The following VPS13A variants were observed in gnomAD, a reference collection of about 807,000 sequenced individuals.
The protein encoded by VPS13A is vacuolar protein sorting 13 homolog A.
A neutral mutation model predicts 390.9 loss-of-function variants in VPS13A; 264 were observed. That is an observed-to-expected ratio of 0.68 (90% CI 0.61 to 0.75). The LOEUF (loss-of-function observed/expected upper bound fraction) is 0.75, where lower values mean the gene tolerates loss of function less well. Among genes scored for constraint, VPS13A ranks in the 30% least tolerant of loss-of-function variants. The pLI is 0.00. For synonymous variants in VPS13A, 1,231 were observed against 1,227.1 expected (o/e 1.00, Z -0.07); for missense variants, 3,409 against 3,733.9 (o/e 0.91, Z 2.27).
chr9:77,410,488 GAC>G (rs1834866873), intron 71 of VPS13A, among the ~76,000 whole-genome samples: 1 of 152,022 alleles, frequency 6.6e-6, no homozygotes, highest in Admixed American at 6.5e-5. Context: ...CCAATTAAAA[GAC>G]ACAGACTGGC....
At chr9:77,186,424 A>T (rs1824338046) in intron 1 of VPS13A, among the ~76,000 whole-genome samples, 1 of 151,018 alleles carries the variant, frequency 6.6e-6, no homozygotes, top group Admixed American at 6.6e-5. Flanking sequence ...TTTCTGAAGA[A>T]CTCCTTTATT....
chr9:77,275,766 A>T (rs1316253811), intron 25 of VPS13A, 114 bp downstream of exon 25: 1 of 1,252,604 alleles, frequency 8.0e-7, no homozygotes, highest in African/African-American at 1.5e-5. Context: ...TAATTAAAGT[A>T]ATTCCAGACT....
chr9:77,401,329 T>TTG (rs4012461), intron 68 of VPS13A, among the ~76,000 whole-genome samples: 17,031 of 140,296 alleles, frequency 0.12, 1,097 homozygotes, highest in Non-Finnish European at 0.16. Context: ...TCACATGAAG[T>TTG]TGTGTGTGTG....
In VPS13A at chr9:77,207,249, A is replaced by ACG. The variant is rs1825720607; in HGVS notation, c.385+1170_385+1171insCG. Among the ~76,000 whole-genome samples, 20 of 113,398 alleles carry ACG rather than the reference A, an allele frequency of 1.8e-4. 1 individual carries two copies. The highest frequency in any genetic ancestry group is 1.7e-3 in the Admixed American group (19 of 11,482). The allele number at this position is 113,398 out of a possible 152,430, so 74.4% of individuals were successfully genotyped here. A position where few individuals can be genotyped will look rare whatever the true frequency, so the allele number is the denominator to read the frequency against. On this transcript the variant is annotated intron_variant, in intron 5 of 71. Coordinates refer to ENST00000360280, the MANE Select transcript of VPS13A (RefSeq NM_033305.3). ...TATATATATATATATATATATATAT[A>ACG]TATAAAACGTGTTATATGTAACATA...
chr9:77,325,283 T>C (rs1434919073), intron 45 of VPS13A, among the ~76,000 whole-genome samples: 2 of 152,148 alleles, frequency 1.3e-5, no homozygotes, highest in African/African-American at 4.8e-5. Context: ...CTTCCTGCCG[T>C]GCAGCCCACT....
intron 68 of VPS13A, among the ~76,000 whole-genome samples, chr9:77,386,497 G>GA (rs566405140): frequency 0.51 from 75,600 of 148,656 alleles, 18,998 homozygotes; most frequent in East Asian, 0.64. Context: ...GAATTTATCG[G>GA]AAAAAAAAAA....
chr9:77,339,415 A>G (rs1215049719), intron 47 of VPS13A, 101 bp from the exon 48 acceptor site: 5 of 1,213,046 alleles, frequency 4.1e-6, no homozygotes, highest in African/African-American at 1.5e-5. Context: ...AGGTATTTCA[A>G]AAGCATTTTT....
chr9:77,230,817 C>T (rs139790998), intron 17 of VPS13A, among the ~76,000 whole-genome samples: 3 of 152,040 alleles, frequency 2.0e-5, no homozygotes, highest in Non-Finnish European at 2.9e-5. Flanking sequence ...GTGTACTGAA[C>T]AAATTATTCA....
intron 31 of VPS13A, among the ~76,000 whole-genome samples, chr9:77,287,223 A>G (rs1172714019): frequency 7.2e-6 from 1 of 139,000 alleles, no homozygotes; most frequent in Admixed American, 7.2e-5. Flanking sequence ...TATACATAAA[A>G]TTCTCTCTCT....
intron 42 of VPS13A, 140 bp downstream of exon 42, chr9:77,319,813 A>T: frequency 2.0e-6 from 1 of 507,656 alleles, no homozygotes; most frequent in Non-Finnish European, 3.4e-6. Context: ...ACTTCTGCAC[A>T]TGTATAGCCT....
intron 10 of VPS13A, among the ~76,000 whole-genome samples, chr9:77,218,875 A>G (rs542305623): frequency 1.3e-5 from 2 of 152,232 alleles, no homozygotes; most frequent in Admixed American, 1.3e-4. Context: ...GATGCACTTG[A>G]GATTTATGAC....
chr9:77,315,181 T>C lies in VPS13A; in HGVS notation c.4413-72T>C, dbSNP rs1829315262. The stretch of plus-strand genomic sequence containing the variant: ...GTCAGTAAAAGAGATAAGAGGTCTT[T>C]GAGTTTTACTCATATGTTTGATTAC... On this transcript the variant is annotated intron_variant, in intron 37 of 71. Transcript: ENST00000360280. The C allele has an allele frequency of 2.2e-6, 3 of 1,349,756 alleles. No homozygotes were observed. The South Asian group carries it at 3.5e-5, about 16-fold the overall frequency. 83.6% of individuals were successfully genotyped at this position (1,349,756 alleles called of 1,614,324 possible).
chr9:77,370,580 T>C lies in VPS13A; in HGVS notation c.8907+2T>C. 3 of 1,614,102 alleles carry C rather than the reference T, an allele frequency of 1.9e-6. No homozygotes were observed. Among genetic ancestry groups the C allele is most frequent in the Non-Finnish European group, 2.5e-6 (3 of 1,180,004 alleles). Reference sequence around the variant, plus strand: ...CGTGGAGGAAAAGGCTTAGTTTCTGTAAGAAATTTCACAGGGTTGTGAAGA... The same window carrying C: ...CGTGGAGGAAAAGGCTTAGTTTCTGCAAGAAATTTCACAGGGTTGTGAAGA... On this transcript the variant is annotated splice_donor_variant, in intron 65 of 71. Coordinates refer to ENST00000360280, the MANE Select transcript of VPS13A (RefSeq NM_033305.3). LOFTEE classifies it high-confidence loss of function.
intron 68 of VPS13A, chr9:77,385,182 GTAATC>G: frequency 1.1e-6 from 1 of 919,152 alleles, no homozygotes; most frequent in Non-Finnish European, 1.3e-6. Context: ...ATAAACATAT[GTAATC>G]TAAAGGAGTG....
At chr9:77,291,352 T>A (rs768097632) in intron 31 of VPS13A, among the ~76,000 whole-genome samples, 15 of 151,980 alleles carry the variant, frequency 9.9e-5, no homozygotes, top group Non-Finnish European at 1.8e-4. Flanking sequence ...ACAAAACAGC[T>A]CCCTGTTACC....
rs1835239908 is a variant in VPS13A, at chr9:77,418,475, C to T, written c.*2469C>T. The T allele has an allele frequency of 6.6e-6, 1 of 152,180 alleles. No individual in the cohort carries two copies. Among genetic ancestry groups the T allele is most frequent in the Admixed American group, 6.5e-5 (1 of 15,278 alleles). 9.4% of individuals were successfully genotyped at this position (152,180 alleles called of 1,614,324 possible). A position where few individuals can be genotyped will look rare whatever the true frequency, so the allele number is the denominator to read the frequency against. On this transcript the variant is annotated 3_prime_UTR_variant, in exon 72 of 72. Coordinates refer to ENST00000360280, the MANE Select transcript of VPS13A (RefSeq NM_033305.3). ...GATCAAAAGCAGCTTGTGATTTCTT[C>T]ACATTTGCAAAATACTCTCTGAGCC...
At chr9:77,239,185 A>G (rs1036295178) in intron 19 of VPS13A, among the ~76,000 whole-genome samples, 11 of 152,112 alleles carry the variant, frequency 7.2e-5, no homozygotes, top group African/African-American at 2.7e-4. Flanking sequence ...TTTGTTTAAA[A>G]AAATAAATTT....
At chr9:77,375,076 C>T (rs995043501) in intron 67 of VPS13A, among the ~76,000 whole-genome samples, 2 of 151,934 alleles carry the variant, frequency 1.3e-5, no homozygotes, top group South Asian at 2.1e-4. Context: ...TGTGTTGAGT[C>T]GTAGTCATCA....
chr9:77,392,433 T>C (rs1051318503), intron 68 of VPS13A, among the ~76,000 whole-genome samples: 3 of 152,190 alleles, frequency 2.0e-5, no homozygotes, highest in African/African-American at 7.2e-5. Flanking sequence ...TTTTTCCTTT[T>C]ACTAGAGTTA....
Sources: allele counts gnomAD v4.1 joint callset (sites outside exome capture counted in the v4.1 genomes callset), GRCh38; gene constraint gnomAD v4.1.1; transcripts MANE v1.5; gene names NCBI Gene and HGNC (gene_info 2026-07-23, HGNC 2026-07-21).